MAP4K4: variants seen among roughly 807,000 people sequenced by gnomAD.
MAP4K4 encodes the protein HPK/GCK-like kinase HGK.
MAP4K4 carries 38 observed loss-of-function variants against 189.6 expected under a neutral mutation model. The observed-to-expected ratio is 0.20, with a 90% confidence interval of 0.15 to 0.26. The LOEUF is 0.26. MAP4K4 is among the 10% of genes least tolerant of loss of function. The pLI is 1.00. For missense variants in MAP4K4, 1,054 were observed against 1,726.9 expected (o/e 0.61, Z 6.91); for synonymous variants, 610 against 624.3 (o/e 0.98, Z 0.34).
intron 3 of MAP4K4, among the ~76,000 whole-genome samples, chr2:101,799,473 CCTTGCAGGCTCCTT>C (rs2094149310): frequency 6.6e-6 from 1 of 152,190 alleles, no homozygotes; most frequent in African/African-American, 2.4e-5. Context: ...TGTCTTTCTT[CCTTGCAGGCTCCTT>C]CTTCAGCCCC....
intron 2 of MAP4K4, among the ~76,000 whole-genome samples, chr2:101,777,037 A>C (rs1040641335): frequency 8.5e-5 from 13 of 152,212 alleles, no homozygotes; most frequent in African/African-American, 2.9e-4. Context: ...TATAGGCCTT[A>C]GACTTTAACA....
intron 2 of MAP4K4, among the ~76,000 whole-genome samples, chr2:101,756,570 T>C (rs1277374995): frequency 1.3e-5 from 2 of 152,236 alleles, no homozygotes; most frequent in East Asian, 3.9e-4. Flanking sequence ...TTGTTTCTTA[T>C]TTTTGAGACA....
At chr2:101,762,842 A>G (rs956966245) in intron 2 of MAP4K4, among the ~76,000 whole-genome samples, 1 of 152,040 alleles carries the variant, frequency 6.6e-6, no homozygotes, top group African/African-American at 2.4e-5. Flanking sequence ...CTGGGAGAGG[A>G]AAGGATTATG....
intron 9 of MAP4K4, among the ~76,000 whole-genome samples, chr2:101,836,928 G>A (rs895087539): frequency 3.3e-5 from 5 of 152,068 alleles, no homozygotes; most frequent in African/African-American, 1.2e-4. Context: ...AAAGAGAGCA[G>A]TGTTTCTGGT....
chr2:101,849,420 T>A (rs1177348720), intron 12 of MAP4K4, among the ~76,000 whole-genome samples: 2 of 152,172 alleles, frequency 1.3e-5, no homozygotes, highest in African/African-American at 4.8e-5. Context: ...TGAGCCACTG[T>A]GCCCAGCCAA....
intron 2 of MAP4K4, among the ~76,000 whole-genome samples, chr2:101,748,365 AAAC>A (rs1378789254): frequency 3.3e-5 from 5 of 152,238 alleles, no homozygotes; most frequent in African/African-American, 4.8e-5. Flanking sequence ...CAAGAAAACA[AAAC>A]AAAACAACAG....
rs912225812 is a variant in MAP4K4 at position 101,698,281 on chromosome 2, T to C, written c.57+144T>C. The C allele has an allele frequency of 1.0e-4, 54 of 516,986 alleles. 1 individual carries two copies. The highest frequency in any genetic ancestry group is 4.8e-4 in the Middle Eastern group (1 of 2,062). The allele number at this position is 516,986 out of a possible 1,614,324, so 32.0% of individuals were successfully genotyped here. The stretch of plus-strand genomic sequence containing the variant: ...GGCCCCTTTGTCTTCCTGTGCGGGC[T>C]GGTGCGGGGCGGGCGCTACCCTCTA... On this transcript the variant is annotated intron_variant, in intron 1 of 32. Transcript: ENST00000324219.
intron 2 of MAP4K4, among the ~76,000 whole-genome samples, chr2:101,788,404 G>A (rs2092127570): frequency 6.6e-6 from 1 of 152,294 alleles, no homozygotes; most frequent in Non-Finnish European, 1.5e-5. Context: ...ACATGGGGTC[G>A]GAAACTCCTA....
intron 27 of MAP4K4, among the ~76,000 whole-genome samples, chr2:101,880,829 A>G (rs971307341): frequency 2.6e-5 from 4 of 151,726 alleles, no homozygotes; most frequent in South Asian, 2.1e-4. Flanking sequence ...TCTGGGCTCT[A>G]TTTTTTCCCA....
chr2:101,708,391 A>G lies in MAP4K4; in HGVS notation c.123+9853A>G, dbSNP rs555062137. 2.6e-5 allele frequency among the ~76,000 whole-genome samples: 4 copies of G among 152,356 alleles called. No individual in the cohort carries two copies. In the East Asian group the frequency reaches 5.8e-4, roughly 22 times the overall value. On this transcript the variant is annotated intron_variant, in intron 2 of 32. Coordinates refer to ENST00000324219, the Ensembl canonical transcript of MAP4K4. The stretch of plus-strand genomic sequence containing the variant: ...ACAAATAAAAAATGAAAACAAGGGT[A>G]AGCAGTGCGTAACCTCTGTGACCTT...
intron 2 of MAP4K4, among the ~76,000 whole-genome samples, chr2:101,769,909 G>A (rs899805357): frequency 6.6e-6 from 1 of 152,134 alleles, no homozygotes; most frequent in Non-Finnish European, 1.5e-5. Flanking sequence ...ATGGTTTTGA[G>A]CCATTTGTTG....
chr2:101,738,130 C>G (rs2061231563), intron 2 of MAP4K4, among the ~76,000 whole-genome samples: 1 of 152,144 alleles, frequency 6.6e-6, no homozygotes, highest in Non-Finnish European at 1.5e-5. Flanking sequence ...TAAAAGTCAC[C>G]CGCTACATCC....
chr2:101,871,586 TTCC>T lies in MAP4K4; in HGVS notation c.2860_2862del (p.Ser954del). On this transcript the variant is annotated inframe_deletion, in exon 24 of 33. Transcript: ENST00000324219. ...TGCCAGATCTCTTACAGCAAAGCCA[TTCC>T]TCCTCCACTTCCTCCACCTCCTCCT... 2.0e-6 allele frequency: 3 copies of T among 1,536,310 alleles called. No individual in the cohort carries two copies. The highest frequency in any genetic ancestry group is 2.4e-5 in the East Asian group (1 of 40,908).
At chr2:101,709,984 C>G (rs973705759) in intron 2 of MAP4K4, among the ~76,000 whole-genome samples, 1 of 152,152 alleles carries the variant, frequency 6.6e-6, no homozygotes, top group South Asian at 2.1e-4. Flanking sequence ...TTCGTTCTTA[C>G]TTGCTGTGAC....
At chr2:101,881,003 T>C (rs541131602) in intron 27 of MAP4K4, among the ~76,000 whole-genome samples, 6 of 152,308 alleles carry the variant, frequency 3.9e-5, no homozygotes, top group South Asian at 2.1e-4. Context: ...CTTATTGATA[T>C]GTACAAAATA....
chr2:101,756,918 T>G (rs115285083), intron 2 of MAP4K4, among the ~76,000 whole-genome samples: 1,628 of 152,208 alleles, frequency 0.011, 37 homozygotes, highest in African/African-American at 0.037. Flanking sequence ...ATAAATAAAT[T>G]ACTCTGCTAT....
intron 12 of MAP4K4, among the ~76,000 whole-genome samples, chr2:101,854,760 G>T (rs972409965): frequency 6.6e-6 from 1 of 152,006 alleles, no homozygotes; most frequent in Non-Finnish European, 1.5e-5. Flanking sequence ...AAGCTTTCTT[G>T]TTTAATGGTT....
At chr2:101,746,456 G>C (rs778602627) in intron 2 of MAP4K4, among the ~76,000 whole-genome samples, 1 of 151,874 alleles carries the variant, frequency 6.6e-6, no homozygotes, top group Admixed American at 6.6e-5. Context: ...TGGATTTGTT[G>C]TTCTGCCATG....
chr2:101,885,263 A>G (rs1375226016), exon 29 of MAP4K4: 20 of 1,603,184 alleles, frequency 1.2e-5, no homozygotes, highest in Non-Finnish European at 1.7e-5. Context: ...CACCAAAGCC[A>G]TATCACAAAT....
Sources: allele counts gnomAD v4.1 joint callset (sites outside exome capture counted in the v4.1 genomes callset), GRCh38; gene constraint gnomAD v4.1.1; transcripts MANE v1.5; gene names NCBI Gene and HGNC (gene_info 2026-07-23, HGNC 2026-07-21).